The following THSD7B variants were observed in gnomAD, a reference collection of about 807,000 sequenced individuals.
THSD7B encodes thrombospondin type-1 domain-containing protein 7B.
THSD7B carries 138 observed loss-of-function variants against 213.6 expected under a neutral mutation model. The ratio of observed to expected loss-of-function variants is 0.65; its 90% CI spans 0.56 to 0.74. The LOEUF is 0.74. Ranked by LOEUF, THSD7B falls within the 30% of genes least tolerant of loss-of-function variation. The pLI is 0.00. For missense variants in THSD7B, 1,931 were observed against 1,991.5 expected, an observed-to-expected ratio of 0.97 and a Z score of 0.58; for synonymous variants, 742 against 687.0, an observed-to-expected ratio of 1.08 and a Z score of -1.25.
At chr2:137,273,036 AC>A in intron 11 of THSD7B, among the ~76,000 whole-genome samples, 1 of 141,516 alleles carries the variant, frequency 7.1e-6, no homozygotes, top group Admixed American at 6.8e-5. Flanking sequence ...ACACACACAC[AC>A]ACACACACAC....
chr2:137,583,636 A>G (rs1430366174), intron 17 of THSD7B, among the ~76,000 whole-genome samples: 1 of 152,192 alleles, frequency 6.6e-6, no homozygotes, highest in Non-Finnish European at 1.5e-5. Context: ...TTTGTCAAAG[A>G]TCAGATAGTT....
At chr2:137,025,808 A>G (rs1270699994) in intron 2 of THSD7B, among the ~76,000 whole-genome samples, 3 of 152,146 alleles carry the variant, frequency 2.0e-5, no homozygotes, top group African/African-American at 7.2e-5. Context: ...AATAGGGAAT[A>G]GAGTTCCTGA....
chr2:137,641,065 C>G (rs567762503), intron 20 of THSD7B, among the ~76,000 whole-genome samples: 1 of 152,150 alleles, frequency 6.6e-6, no homozygotes, highest in Admixed American at 6.5e-5. Context: ...TTGTTTCTAT[C>G]CAGGGTTTTC....
intron 15 of THSD7B, 29 bp from the exon 16 acceptor site, chr2:137,563,192 T>C (rs1175507928): frequency 1.9e-6 from 3 of 1,607,210 alleles, no homozygotes; most frequent in Non-Finnish European, 2.6e-6. Context: ...TAGTTCCACA[T>C]AATTTTGTTT....
At chr2:136,786,030 C>T (rs1681838994) in intron 1 of THSD7B, among the ~76,000 whole-genome samples, 1 of 152,042 alleles carries the variant, frequency 6.6e-6, no homozygotes, top group Non-Finnish European at 1.5e-5. Flanking sequence ...AATCAGAAAA[C>T]AAACTCAAGG....
chr2:137,575,372 C>A (rs1681436805), intron 17 of THSD7B, among the ~76,000 whole-genome samples: 1 of 151,974 alleles, frequency 6.6e-6, no homozygotes, highest in Admixed American at 6.6e-5. Flanking sequence ...ATCCCTTCCC[C>A]TGCACAAAAT....
intron 2 of THSD7B, among the ~76,000 whole-genome samples, chr2:136,971,130 A>T (rs911380612): frequency 6.6e-6 from 1 of 152,170 alleles, no homozygotes; most frequent in Non-Finnish European, 1.5e-5. Flanking sequence ...AAGACAAATA[A>T]AGTTTCCAGG....
At chr2:137,383,275 A>G (rs560985640) in intron 12 of THSD7B, among the ~76,000 whole-genome samples, 10 of 152,198 alleles carry the variant, frequency 6.6e-5, no homozygotes, top group Non-Finnish European at 1.0e-4. Flanking sequence ...ATAAAGCAAC[A>G]TTGGGGTAAC....
rs1682027276 is a variant in THSD7B at position 136,794,574 on chromosome 2, A to G, written c.-36+28887A>G. Among the ~76,000 whole-genome samples the G allele has an allele frequency of 6.6e-5, 10 of 151,924 alleles. 1 individual carries two copies. The highest frequency in any genetic ancestry group is 5.3e-4 in the Admixed American group (8 of 15,226). On this transcript the variant is annotated intron_variant, in intron 1 of 27. Transcript: ENST00000409968. ...CAGAGTGCATAATCTGTATGATTCA[A>G]TCCCTTGAGATTCATTGTTTTGCTT... is the stretch of plus-strand genomic sequence containing the variant.
At position 136,890,387 on chromosome 2, in the gene THSD7B, TCCTCTTCCTCTTCCTCTTCC is replaced by T; in HGVS notation, c.139+8071_139+8090del. 1.3e-3 allele frequency among the ~76,000 whole-genome samples: 3 copies of T among 2,396 alleles called. 1 individual carries two copies. The highest frequency in any genetic ancestry group is 6.8e-3 in the Admixed American group (2 of 296). The allele number at this position is 2,396 out of a possible 152,430, so 1.6% of individuals were successfully genotyped here. ...TTCTTCTTCTTCTTCCTCTTCCTCT[TCCTCTTCCTCTTCCTCTTCC>T]TCTTCTTCTTCTTCTTCTTCTTCTT... On this transcript the variant is annotated intron_variant, in intron 2 of 27. Coordinates refer to ENST00000409968, the MANE Select transcript of THSD7B (RefSeq NM_001316349.2).
rs1165527951 is a variant in THSD7B at position 137,563,322 on chromosome 2, C to T, written c.3240C>T (p.Arg1080=). 1 of 1,613,158 alleles carries T rather than the reference C, an allele frequency of 6.2e-7. No individual in the cohort carries two copies. The change falls in exon 16 of 28, where the codon CGC becomes CGT. Residue 1080 remains arginine, a synonymous_variant. Transcript: ENST00000409968. ...CKINNELRSL[R]CGGGTQSRKI... ...TCAACAATGAGCTGAGGTCCCTGCG[C>T]TGTGGAGGAGGAACACAATCTAGGA...
chr2:137,112,862 T>C (rs939071923), intron 4 of THSD7B, among the ~76,000 whole-genome samples: 25 of 152,048 alleles, frequency 1.6e-4, no homozygotes, highest in African/African-American at 4.6e-4. Context: ...TGGACACTTA[T>C]TGAATATTTA....
chr2:137,306,783 C>T (rs1487091050), intron 12 of THSD7B, among the ~76,000 whole-genome samples: 1 of 151,094 alleles, frequency 6.6e-6, no homozygotes, highest in Non-Finnish European at 1.5e-5. Flanking sequence ...CATTTTTTGC[C>T]CAGGTATGAT....
chr2:137,070,245 C>T (rs904660352), intron 3 of THSD7B, among the ~76,000 whole-genome samples: 1 of 151,830 alleles, frequency 6.6e-6, no homozygotes, highest in African/African-American at 2.4e-5. Flanking sequence ...TTAACATTTC[C>T]TAGGAATTAG....
At chr2:136,842,444 A>C (rs1435991130) in intron 1 of THSD7B, among the ~76,000 whole-genome samples, 1 of 152,220 alleles carries the variant, frequency 6.6e-6, no homozygotes, top group African/African-American at 2.4e-5. Context: ...GTTCACAGAT[A>C]AGGCATGCAT....
intron 3 of THSD7B, among the ~76,000 whole-genome samples, chr2:137,089,287 TAC>T (rs1327829650): frequency 9.4e-5 from 14 of 149,672 alleles, no homozygotes; most frequent in African/African-American, 2.5e-5. Context: ...TATGTATATA[TAC>T]ATATATATGT....
At chr2:137,423,846 G>C (rs763222298) in intron 14 of THSD7B, among the ~76,000 whole-genome samples, 2 of 152,056 alleles carry the variant, frequency 1.3e-5, no homozygotes, top group Non-Finnish European at 2.9e-5. Context: ...GAGAGATCAA[G>C]AATAGTCAAA....
At position 137,411,828 on chromosome 2, in the gene THSD7B, A is replaced by G. The variant is rs751316389; in HGVS notation, c.2915A>G (p.Asp972Gly). The G allele has an allele frequency of 1.2e-5, 20 of 1,613,914 alleles. No individual in the cohort carries two copies. The highest frequency in any genetic ancestry group is 1.7e-5 in the Non-Finnish European group (20 of 1,179,904). The part of the protein sequence containing the change: ...GLRFRAVACS[D>G]KNGRPVDPSF... ...CGCTTTCGAGCAGTAGCCTGTTCTG[A>G]TAAAAATGGAAGACCTGTTGACCCC... is the stretch of plus-strand genomic sequence containing the variant. The change falls in exon 14 of 28, where the codon GAT (aspartate) becomes GGT (glycine). Residue 972 changes from aspartate to glycine, a missense_variant. Transcript: ENST00000409968.
intron 1 of THSD7B, among the ~76,000 whole-genome samples, chr2:136,797,557 AT>A (rs553793211): frequency 8.6e-4 from 131 of 152,096 alleles, no homozygotes; most frequent in African/African-American, 3.1e-3. Context: ...TAGGCCATTG[AT>A]TATACATAAT....
Sources: gnomAD v4.1 joint callset for allele counts (sites outside exome capture counted in the v4.1 genomes callset) on GRCh38, gnomAD v4.1.1 for gene constraint, MANE v1.5 for transcripts, NCBI Gene and HGNC (gene_info 2026-07-23, HGNC 2026-07-21) for gene names.